ZNF74: variants seen among roughly 807,000 people sequenced by gnomAD.
ZNF74 encodes the protein zinc finger protein 520.
A neutral mutation model predicts 17.7 loss-of-function variants in ZNF74; 12 were observed. That is an observed-to-expected ratio of 0.68 (90% CI 0.43 to 1.10). The LOEUF is 1.10. Ranked by LOEUF, ZNF74 falls within the 50% of genes least tolerant of loss-of-function variation. ZNF74 has a pLI of 0.00. For synonymous variants in ZNF74, 358 were observed against 362.1 expected, an observed-to-expected ratio of 0.99 and a Z score of 0.13; for missense variants, 811 against 881.0, an observed-to-expected ratio of 0.92 and a Z score of 1.01.
rs755314165 is a variant in ZNF74 at position 20,406,499 on chromosome 22, T to G, written c.1466T>G (p.Val489Gly). The G allele has an allele frequency of 1.5e-5, 24 of 1,611,804 alleles. No homozygotes were observed. The highest frequency in any genetic ancestry group is 2.0e-5 in the Non-Finnish European group (23 of 1,179,392). The part of the protein sequence containing the change: ...KAFSSHAYLI[V>G]HRRIHTGEKP... ...TTCAGCTCCCACGCCTACCTCATCG[T>G]GCACCGGCGCATCCACACAGGCGAG... The change falls in exon 5 of 5, where the codon GTG (valine) becomes GGG (glycine). Residue 489 changes from valine to glycine, a missense_variant. Coordinates refer to ENST00000400451, the MANE Select transcript of ZNF74 (RefSeq NM_003426.4).
chr22:20,394,524 G>GCAGGCCCCTCAGCCC lies in ZNF74; in HGVS notation c.-100_-86dup. On this transcript the variant is annotated 5_prime_UTR_variant, in exon 1 of 5. Coordinates refer to ENST00000400451, the MANE Select transcript of ZNF74 (RefSeq NM_003426.4). Reference sequence around the variant, plus strand: ...CGTGGCCGCCCCGCGGGGCTCCGCTGCAGGCCCCTCAGCCCCAGGAGCAGT... The same window carrying GCAGGCCCCTCAGCCC: ...CGTGGCCGCCCCGCGGGGCTCCGCTGCAGGCCCCTCAGCCCCAGGCCCCTCAGCCCCAGGAGCAGT... 1 of 1,251,960 alleles carries GCAGGCCCCTCAGCCC rather than the reference G, an allele frequency of 8.0e-7. No homozygotes were observed. The highest frequency in any genetic ancestry group is 1.2e-6 in the Non-Finnish European group (1 of 868,638). 77.6% of individuals were successfully genotyped at this position (1,251,960 alleles called of 1,614,324 possible). A position where few individuals can be genotyped will look rare whatever the true frequency, so the allele number is the denominator to read the frequency against.
Position 20,403,137 on chromosome 22 carries a change from CTG to C in ZNF74, c.343+1766_343+1767del, listed in dbSNP as rs577578188. ...CCCTGCTGTGTTGTTGGCCCTATTGCTGCCAAAACAACTTTTTTCTGGCCTGG... is the reference window on the plus strand; with the variant it reads ...CCCTGCTGTGTTGTTGGCCCTATTGCCCAAAACAACTTTTTTCTGGCCTGG... On this transcript the variant is annotated intron_variant, in intron 4 of 4. Transcript: ENST00000400451. 7.1e-3 allele frequency among the ~76,000 whole-genome samples: 1,078 copies of C among 152,228 alleles called. 12 individuals are homozygous for C. The highest frequency in any genetic ancestry group is 0.024 in the African/African-American group (1,014 of 41,524).
intron 1 of ZNF74, 98 bp downstream of exon 1, chr22:20,394,760 T>A: frequency 5.9e-5 from 64 of 1,084,710 alleles, no homozygotes; most frequent in Non-Finnish European, 7.4e-5. Flanking sequence ...GCATCCAGCA[T>A]CTTTTTTTTT....
rs767152261 is a variant in ZNF74, at chr22:20,405,691, G to A, written c.658G>A (p.Gly220Arg). 3.7e-6 allele frequency: 6 copies of A among 1,607,954 alleles called. No individual in the cohort carries two copies. The South Asian group carries it at 6.6e-5, about 18-fold the overall frequency. Residue 220 changes from glycine to arginine, a missense_variant, in exon 5 of 5, where the codon GGG becomes AGG. This residue lies in a region of ZNF74 where 666 missense variants were observed against 702.3 expected (regional missense o/e 0.95). Transcript: ENST00000400451. Reference sequence around the variant, plus strand: ...CAAGGCCCCCGCGAGACTGTGTGCAGGGGAAAACGCCTCCACGCCAAGTGA... The same window carrying A: ...CAAGGCCCCCGCGAGACTGTGTGCAAGGGAAAACGCCTCCACGCCAAGTGA... ...RTKAPARLCA[G>R]ENASTPSEPE... is the part of the protein sequence containing the mutation.
Position 20,408,342 on chromosome 22 carries a change from G to A in ZNF74, c.*1374G>A, listed in dbSNP as rs2052455691. On this transcript the variant is annotated 3_prime_UTR_variant, in exon 5 of 5. Coordinates refer to ENST00000400451, the MANE Select transcript of ZNF74 (RefSeq NM_003426.4). ...TACGGAGTGCTATCGTTTATGAAAT[G>A]CTTTCAGTATGCTTTTTAAATTATG... 1 of 152,314 alleles carries A rather than the reference G, an allele frequency of 6.6e-6. No homozygotes were observed. The highest frequency in any genetic ancestry group is 2.1e-4 in the South Asian group (1 of 4,828). 9.4% of individuals were successfully genotyped at this position (152,314 alleles called of 1,614,324 possible).
Position 20,407,806 on chromosome 22 carries a change from T to C in ZNF74, c.*838T>C, listed in dbSNP as rs1183021187. ...TAGCTCTACTGCAGAGCTGTGTGTT[T>C]AGTGACAGTGCAGTCAGGGGCATTC... On this transcript the variant is annotated 3_prime_UTR_variant, in exon 5 of 5. Coordinates refer to ENST00000400451, the MANE Select transcript of ZNF74 (RefSeq NM_003426.4). 1 of 152,222 alleles carries C rather than the reference T, an allele frequency of 6.6e-6. No homozygotes were observed. Among genetic ancestry groups the C allele is most frequent in the African/African-American group, 2.4e-5 (1 of 41,452 alleles). 9.4% of individuals were successfully genotyped at this position (152,222 alleles called of 1,614,324 possible). A position where few individuals can be genotyped will look rare whatever the true frequency, so the allele number is the denominator to read the frequency against.
At position 20,406,859 on chromosome 22, in the gene ZNF74, G is replaced by A. The variant is rs1418555278; in HGVS notation, c.1826G>A (p.Gly609Glu). Residue 609 changes from glycine (G) to glutamate (E), a missense_variant, in exon 5 of 5, where the codon GGA becomes GAA. Physicochemically the swap from Gly to Glu is moderately conservative, Grantham distance 98. Coordinates refer to ENST00000400451, the MANE Select transcript of ZNF74 (RefSeq NM_003426.4). Reference sequence around the variant, plus strand: ...AGCCTGCTGGGTGCAGGGGATGCTGGACTGAGGGACGTGGATCCCATCGAC... The same window carrying A: ...AGCCTGCTGGGTGCAGGGGATGCTGAACTGAGGGACGTGGATCCCATCGAC... Reference protein sequence around the residue: ...PGSLLGAGDAGLRDVDPIDAL... With the variant: ...PGSLLGAGDAELRDVDPIDAL... 1 of 1,614,092 alleles carries A rather than the reference G, an allele frequency of 6.2e-7. No homozygotes were observed. The highest frequency in any genetic ancestry group is 8.5e-7 in the Non-Finnish European group (1 of 1,180,042).
chr22:20,400,880 G>A, intron 3 of ZNF74, 122 bp downstream of exon 3: 1 of 1,277,936 alleles, frequency 7.8e-7, no homozygotes, highest in Non-Finnish European at 1.1e-6. Context: ...TGGGAAGCAA[G>A]GCCTGTGCCT....
In ZNF74 at chr22:20,401,681, T is replaced by C. The variant is rs1038403406; in HGVS notation, c.343+309T>C. Among the ~76,000 whole-genome samples, 1 of 152,160 alleles carries C rather than the reference T, an allele frequency of 6.6e-6. No individual in the cohort carries two copies. Among genetic ancestry groups the C allele is most frequent in the Admixed American group, 6.5e-5 (1 of 15,292 alleles). ...TGGCTGGGCAGCCGGGGGTGTGGGA[T>C]TGGGGGCAGGGGGCCACCAGGGAAG... On this transcript the variant is annotated intron_variant, in intron 4 of 4. Transcript: ENST00000400451. The surrounding 1 kb of genome is among the most constrained non-coding windows in gnomAD (Gnocchi z 4.2).
rs752194695 is a variant in ZNF74, at chr22:20,406,182, G to A, written c.1149G>A (p.Thr383=). 3.5e-5 allele frequency: 57 copies of A among 1,608,552 alleles called. No homozygotes were observed. The Admixed American group carries it at 7.6e-4, about 21-fold the overall frequency. The change falls in exon 5 of 5, where the codon ACG becomes ACA. Residue 383 remains threonine (T), a synonymous_variant. Coordinates refer to ENST00000400451, the MANE Select transcript of ZNF74 (RefSeq NM_003426.4). Reference sequence around the variant, plus strand: ...TCACACGCCACCACCGCATCCACACGGGCGAGAAGCCCTACCAGTGCGGCT... The same window carrying A: ...TCACACGCCACCACCGCATCCACACAGGCGAGAAGCCCTACCAGTGCGGCT... ...THLTRHHRIH[T]GEKPYQCGSC... is the part of the protein sequence containing the mutation.
intron 2 of ZNF74, 84 bp from the exon 3 acceptor site, chr22:20,400,548 T>G: frequency 1.9e-6 from 3 of 1,563,188 alleles, no homozygotes; most frequent in Non-Finnish European, 2.6e-6. Context: ...ACCCTTTACT[T>G]GTAGGGTCCT....
rs4020 is a variant in ZNF74, at chr22:20,407,094, C to A, written c.*126C>A. On this transcript the variant is annotated 3_prime_UTR_variant, in exon 5 of 5. Coordinates refer to ENST00000400451, the MANE Select transcript of ZNF74 (RefSeq NM_003426.4). ...TGTGGGAGCCTTGCCTTATCACCCC[C>A]ATCAGGTCTGCATGCCAGGGTGCCT... 0.6 allele frequency: 845,748 copies of A among 1,418,682 alleles called. 256,675 individuals are homozygous for A. Among genetic ancestry groups the A allele is most frequent in the African/African-American group, 0.91 (63,244 of 69,372 alleles). 87.9% of individuals were successfully genotyped at this position (1,418,682 alleles called of 1,614,324 possible).
chr22:20,398,603 A>G (rs1312742279), intron 2 of ZNF74, among the ~76,000 whole-genome samples: 2 of 152,272 alleles, frequency 1.3e-5, no homozygotes, highest in Non-Finnish European at 2.9e-5. Context: ...TAGTAAATAT[A>G]TGTTTGTCAA....
In ZNF74 at chr22:20,405,604, G is replaced by T. The variant is rs372712683; in HGVS notation, c.571G>T (p.Val191Phe). 5 of 1,613,100 alleles carry T rather than the reference G, an allele frequency of 3.1e-6. No individual in the cohort carries two copies. Among genetic ancestry groups the T allele is most frequent in the Non-Finnish European group, 3.4e-6 (4 of 1,179,588 alleles). Residue 191 changes from valine (V) to phenylalanine (F), a missense_variant, in exon 5 of 5, where the codon GTT becomes TTT. Transcript: ENST00000400451. ...LRCPLFAQQRVPEGGPLLDTR... is the reference protein window; with the variant it reads ...LRCPLFAQQRFPEGGPLLDTR... Reference sequence around the variant, plus strand: ...GTGTCCCCTCTTCGCCCAGCAACGCGTTCCCGAGGGGGGACCCTTGCTGGA... The same window carrying T: ...GTGTCCCCTCTTCGCCCAGCAACGCTTTCCCGAGGGGGGACCCTTGCTGGA...
In ZNF74 at chr22:20,394,286, T is replaced by G. The variant is rs1238813223; in HGVS notation, c.-343T>G. On this transcript the variant is annotated 5_prime_UTR_variant, in exon 1 of 5. An upstream start codon of the reference 5' UTR is lost. Coordinates refer to ENST00000400451, the MANE Select transcript of ZNF74 (RefSeq NM_003426.4). Reference sequence around the variant, plus strand: ...TGTCCGCTGGTCGCTCCGCGTCCGATGGCTCCTGGCCGCGGAACCTTAGGC... The same window carrying G: ...TGTCCGCTGGTCGCTCCGCGTCCGAGGGCTCCTGGCCGCGGAACCTTAGGC... 1 of 706,532 alleles carries G rather than the reference T, an allele frequency of 1.4e-6. No individual in the cohort carries two copies. The highest frequency in any genetic ancestry group is 1.8e-5 in the African/African-American group (1 of 56,674). The allele number at this position is 706,532 out of a possible 1,614,324, so 43.8% of individuals were successfully genotyped here.
At chr22:20,396,954 C>T (rs1193575197) in intron 2 of ZNF74, among the ~76,000 whole-genome samples, 1 of 152,196 alleles carries the variant, frequency 6.6e-6, no homozygotes, top group Non-Finnish European at 1.5e-5. Flanking sequence ...CTGTGCGGGC[C>T]TCAGACCCTA....
In ZNF74 at chr22:20,394,506, G is replaced by C; in HGVS notation, c.-123G>C. The C allele has an allele frequency of 9.6e-7, 1 of 1,046,240 alleles. No individual in the cohort carries two copies. Among genetic ancestry groups the C allele is most frequent in the Non-Finnish European group, 1.4e-6 (1 of 698,558 alleles). 64.8% of individuals were successfully genotyped at this position (1,046,240 alleles called of 1,614,324 possible). ...ATCGTGCAGCTGTGAGCGCGTGGCC[G>C]CCCCGCGGGGCTCCGCTGCAGGCCC... On this transcript the variant is annotated 5_prime_UTR_variant, in exon 1 of 5. Coordinates refer to ENST00000400451, the MANE Select transcript of ZNF74 (RefSeq NM_003426.4).
intron 4 of ZNF74, 150 bp from the exon 5 acceptor site, chr22:20,405,227 C>T (rs189956101): frequency 9.5e-5 from 76 of 804,072 alleles, no homozygotes; most frequent in Admixed American, 1.8e-4. Flanking sequence ...CCTGGGCGCT[C>T]CCTTCTCTCT....
chr22:20,400,365 G>T (rs4546089), intron 2 of ZNF74: 146,728 of 448,550 alleles, frequency 0.33, 27,318 homozygotes, highest in African/African-American at 0.62. Flanking sequence ...GGGTCCCACC[G>T]CAAGTTGCCA....
Sources: gnomAD v4.1 joint callset for allele counts (sites outside exome capture counted in the v4.1 genomes callset) on GRCh38, gnomAD v4.1.1 for gene constraint, gnomAD v4.1.1 regional missense constraint, Gnocchi (gnomAD v3.1) non-coding constraint, MANE v1.5 for transcripts, NCBI Gene and HGNC (gene_info 2026-07-23, HGNC 2026-07-21) for gene names.